Variants in DTNA observed in about 807,000 individuals in gnomAD.
DTNA encodes the protein dystrobrevin alpha, also known as dystrophin-related protein 3.
Under a neutral mutation model 100.7 loss-of-function variants are expected in DTNA, and 43 were observed. That is an observed-to-expected ratio of 0.43 (90% CI 0.33 to 0.55). The LOEUF is 0.55. DTNA is among the 20% of genes least tolerant of loss of function. The pLI, the probability that DTNA is intolerant of heterozygous loss-of-function variation, is 0.04. For missense variants in DTNA, 798 were observed against 953.9 expected (o/e 0.84, Z 2.15); for synonymous variants, 349 against 347.9 (o/e 1.00, Z -0.04).
At chr18:34,614,604 A>C (rs1426829539) in intron 1 of DTNA, among the ~76,000 whole-genome samples, 1 of 152,222 alleles carries the variant, frequency 6.6e-6, no homozygotes, top group East Asian at 1.9e-4. Context: ...TGAGGGGTCC[A>C]AAACTTCAGT....
chr18:34,702,381 G>T (rs970640881), intron 1 of DTNA, among the ~76,000 whole-genome samples: 3 of 152,126 alleles, frequency 2.0e-5, no homozygotes, highest in Non-Finnish European at 4.4e-5. Flanking sequence ...TAACAGAGAC[G>T]ATACAAGTCA....
intron 1 of DTNA, among the ~76,000 whole-genome samples, chr18:34,755,132 TTTAA>T (rs910558214): frequency 2.6e-5 from 4 of 152,210 alleles, no homozygotes. Context: ...TTTTTGAAAG[TTTAA>T]TTAGATGCAA....
At chr18:34,708,935 C>T (rs1251385708), upstream of DTNA, among the ~76,000 whole-genome samples, 9 of 152,250 alleles carry the variant, frequency 5.9e-5, no homozygotes, top group East Asian at 1.5e-3. Context: ...GTAACCTATC[C>T]AAGATCACAA....
chr18:34,496,495 TC>T (rs974707937), intron 1 of DTNA, among the ~76,000 whole-genome samples: 3 of 152,316 alleles, frequency 2.0e-5, no homozygotes, highest in Admixed American at 1.3e-4. Flanking sequence ...TACTTTTATC[TC>T]ACTTGGTAGT....
chr18:34,843,140 T>C (rs1377875587), intron 13 of DTNA, among the ~76,000 whole-genome samples: 1 of 152,024 alleles, frequency 6.6e-6, no homozygotes, highest in African/African-American at 2.4e-5. Context: ...AAAATTAGAA[T>C]TTTTACTATT....
At chr18:34,646,197 A>G (rs567584045) in intron 1 of DTNA, among the ~76,000 whole-genome samples, 2 of 152,362 alleles carry the variant, frequency 1.3e-5, no homozygotes, top group Non-Finnish European at 2.9e-5. Flanking sequence ...CTCTCATTAG[A>G]TGATGAAAAT....
At chr18:34,511,125 G>C (rs1601301779) in intron 1 of DTNA, among the ~76,000 whole-genome samples, 1 of 152,014 alleles carries the variant, frequency 6.6e-6, no homozygotes, top group East Asian at 1.9e-4. Flanking sequence ...ATCACAATTA[G>C]AATTGTCATT....
intron 3 of DTNA, among the ~76,000 whole-genome samples, chr18:34,780,575 T>C (rs73428261): frequency 0.14 from 21,558 of 152,234 alleles, 1,612 homozygotes; most frequent in African/African-American, 0.18. Flanking sequence ...TATTATATTG[T>C]GGAGAAAAAT....
chr18:34,546,580 A>G (rs1175968280), intron 1 of DTNA, among the ~76,000 whole-genome samples: 1 of 152,126 alleles, frequency 6.6e-6, no homozygotes. Flanking sequence ...AAAAATGAAG[A>G]CATAATCAAT....
intron 2 of DTNA, among the ~76,000 whole-genome samples, chr18:34,762,167 A>G (rs868362525): frequency 1.3e-5 from 2 of 152,190 alleles, no homozygotes; most frequent in African/African-American, 4.8e-5. Context: ...CATCTTTTTA[A>G]TAGATAAATT....
Position 34,877,780 on chromosome 18 carries a change from G to A in DTNA, c.1965G>A (p.Met655Ile), listed in dbSNP as rs749109824. The A allele has an allele frequency of 4.0e-5, 65 of 1,613,788 alleles. No homozygotes were observed. Among genetic ancestry groups the A allele is most frequent in the Non-Finnish European group, 5.2e-5 (61 of 1,179,938 alleles). The change falls in exon 19 of 23, where the codon ATG becomes ATA. Residue 655 changes from methionine to isoleucine, a missense_variant. Coordinates refer to ENST00000444659, the MANE Select transcript of DTNA (RefSeq NM_001386795.1). The stretch of plus-strand genomic sequence containing the variant: ...CTGCAGATTCCATCACTAACACTAT[G>A]TCCTCTCTTGTGAAAGAGCTGAATT... Reference protein sequence around the residue: ...LVAADSITNTMSSLVKELNSE... With the variant: ...LVAADSITNTISSLVKELNSE...
chr18:34,890,305 C>G lies in DTNA; in HGVS notation c.*2571C>G, dbSNP rs779508079. The G allele has an allele frequency of 2.6e-6, 4 of 1,535,990 alleles. No individual in the cohort carries two copies. The highest frequency in any genetic ancestry group is 3.5e-6 in the Non-Finnish European group (4 of 1,146,828). ...CCACCTTTTCTCTCTCTTAGCTCCA[C>G]GTCAGCACTGAGACCAGACTCGAGC... On this transcript the variant is annotated 3_prime_UTR_variant, in exon 23 of 23. Transcript: ENST00000444659.
chr18:34,842,138 C>T (rs1281165660), intron 13 of DTNA, among the ~76,000 whole-genome samples: 1 of 152,078 alleles, frequency 6.6e-6, no homozygotes, highest in Non-Finnish European at 1.5e-5. Context: ...CTAGTTTATA[C>T]CAAGGTCTGT....
At chr18:34,509,170 C>T (rs925069753) in intron 1 of DTNA, among the ~76,000 whole-genome samples, 2 of 152,096 alleles carry the variant, frequency 1.3e-5, no homozygotes, top group African/African-American at 4.8e-5. Flanking sequence ...ACCATTTGGG[C>T]AGGTTGGAGG....
chr18:34,775,056 C>T (rs909093307), intron 3 of DTNA, among the ~76,000 whole-genome samples: 5 of 152,224 alleles, frequency 3.3e-5, no homozygotes, highest in African/African-American at 1.2e-4. Flanking sequence ...TGAGCAATCC[C>T]ATGCATAATC....
intron 2 of DTNA, among the ~76,000 whole-genome samples, chr18:34,758,294 T>C (rs2092916198): frequency 6.6e-6 from 1 of 152,148 alleles, no homozygotes; most frequent in African/African-American, 2.4e-5. Context: ...AAGTATTATA[T>C]AGAAATATTT....
At chr18:34,848,216 T>G in intron 13 of DTNA, 80 bp from the exon 14 acceptor site, 1 of 1,396,738 alleles carries the variant, frequency 7.2e-7, no homozygotes, top group Non-Finnish European at 1.0e-6. Context: ...ATTGAAATAG[T>G]AAAAACTCCT....
At chr18:34,545,028 T>G (rs2044626731) in intron 1 of DTNA, among the ~76,000 whole-genome samples, 2 of 152,128 alleles carry the variant, frequency 1.3e-5, no homozygotes, top group Admixed American at 6.6e-5. Flanking sequence ...TCCAGCAAGA[T>G]TCCCTACAAA....
At chr18:34,534,548 C>A (rs1034200655) in intron 1 of DTNA, among the ~76,000 whole-genome samples, 16 of 151,746 alleles carry the variant, frequency 1.1e-4, no homozygotes, top group African/African-American at 3.9e-4. Context: ...GATAGGTATA[C>A]GTGTTCCATG....
Sources: gnomAD v4.1 joint callset for allele counts (sites outside exome capture counted in the v4.1 genomes callset) on GRCh38, gnomAD v4.1.1 for gene constraint, MANE v1.5 for transcripts, NCBI Gene and HGNC (gene_info 2026-07-23, HGNC 2026-07-21) for gene names.